PDE7B: variants seen among roughly 807,000 people sequenced by gnomAD.
PDE7B encodes 3',5'-cyclic-AMP phosphodiesterase 7B.
In PDE7B, 29 loss-of-function variants were observed where a neutral mutation model predicts 56.2. The observed-to-expected ratio is 0.52, with a 90% CI of 0.38 to 0.70. The LOEUF (loss-of-function observed/expected upper bound fraction) is 0.70. Ranked by LOEUF, PDE7B falls within the 30% of genes least tolerant of loss-of-function variation. The pLI, the probability that PDE7B is intolerant of heterozygous loss-of-function variation, is 0.00. For synonymous variants in PDE7B, 197 were observed against 196.9 expected (o/e 1.00, Z 0.00); for missense variants, 490 against 565.0 (o/e 0.87, Z 1.35).
chr6:136,155,600 C>T, intron 7 of PDE7B, 27 bp from the exon 8 acceptor site: 1 of 1,584,960 alleles, frequency 6.3e-7, no homozygotes. Context: ...ATACACCAAT[C>T]AATCTCCCAA....
chr6:135,949,878 T>A (rs1774667465), intron 2 of PDE7B, among the ~76,000 whole-genome samples: 2 of 152,170 alleles, frequency 1.3e-5, no homozygotes, highest in African/African-American at 4.8e-5. Flanking sequence ...AATATTATGC[T>A]TAGTGAGTTT....
At chr6:136,097,478 C>T (rs532650548) in intron 2 of PDE7B, among the ~76,000 whole-genome samples, 3 of 152,084 alleles carry the variant, frequency 2.0e-5, no homozygotes, top group African/African-American at 7.2e-5. Flanking sequence ...CTTCCCTCTC[C>T]CAGCATCAGC....
chr6:135,939,978 G>A (rs901376600), intron 1 of PDE7B, among the ~76,000 whole-genome samples: 3 of 152,170 alleles, frequency 2.0e-5, no homozygotes, highest in Non-Finnish European at 4.4e-5. Flanking sequence ...CAATGCTAGA[G>A]TAATTCATTA....
chr6:136,084,652 G>A (rs1777259911), intron 2 of PDE7B, among the ~76,000 whole-genome samples: 2 of 152,134 alleles, frequency 1.3e-5, no homozygotes, highest in South Asian at 4.2e-4. Context: ...TAAGTATAGT[G>A]TTCTTATTAT....
At chr6:135,943,176 A>C (rs1393220564) in intron 1 of PDE7B, among the ~76,000 whole-genome samples, 2 of 152,218 alleles carry the variant, frequency 1.3e-5, no homozygotes, top group Non-Finnish European at 2.9e-5. Flanking sequence ...TTGTTTTACA[A>C]TCTTATCGAC....
chr6:136,159,973 C>A (rs1431054579), intron 8 of PDE7B, among the ~76,000 whole-genome samples: 2 of 152,160 alleles, frequency 1.3e-5, no homozygotes, highest in African/African-American at 4.8e-5. Context: ...GTGCTATTAG[C>A]AAACAAAGGG....
intron 2 of PDE7B, among the ~76,000 whole-genome samples, chr6:136,101,774 G>A (rs1777566733): frequency 6.6e-6 from 1 of 152,136 alleles, no homozygotes; most frequent in South Asian, 2.1e-4. Context: ...ACATCTTCCT[G>A]TAGTCTAACC....
intron 2 of PDE7B, among the ~76,000 whole-genome samples, chr6:136,021,182 C>T (rs9494442): frequency 0.13 from 19,623 of 152,188 alleles, 2,720 homozygotes; most frequent in African/African-American, 0.35. Flanking sequence ...AGACTACCTA[C>T]TTGACATCAA....
At chr6:135,972,233 C>CAAAAAAAAAA (rs72005772) in intron 2 of PDE7B, among the ~76,000 whole-genome samples, 1 of 65,168 alleles carries the variant, frequency 1.5e-5, no homozygotes, top group African/African-American at 6.0e-5. Context: ...AAACTGTTCT[C>CAAAAAAAAAA]AAAAAAAAAA....
intron 2 of PDE7B, among the ~76,000 whole-genome samples, chr6:136,097,704 AAGTCTG>A (rs1422274168): frequency 9.2e-5 from 14 of 152,032 alleles, no homozygotes; most frequent in African/African-American, 3.4e-4. Flanking sequence ...TAATCATCCT[AAGTCTG>A]TTAAAGTCAT....
intron 2 of PDE7B, among the ~76,000 whole-genome samples, chr6:135,989,405 G>T (rs545268554): frequency 6.6e-6 from 1 of 152,178 alleles, no homozygotes; most frequent in Non-Finnish European, 1.5e-5. Context: ...CCTGAGGTCG[G>T]TAGTTCGAGA....
At chr6:136,166,097 G>A (rs1308460946) in intron 8 of PDE7B, among the ~76,000 whole-genome samples, 2 of 152,070 alleles carry the variant, frequency 1.3e-5, no homozygotes, top group African/African-American at 4.8e-5. Flanking sequence ...TACTGCTTAG[G>A]TTATTTGATA....
At chr6:136,051,944 C>T (rs1776637378) in intron 2 of PDE7B, among the ~76,000 whole-genome samples, 1 of 151,686 alleles carries the variant, frequency 6.6e-6, no homozygotes, top group Non-Finnish European at 1.5e-5. Context: ...GGAACTTGAC[C>T]ATTATATAAT....
At chr6:135,884,710 GA>G (rs1775670864) in intron 1 of PDE7B, among the ~76,000 whole-genome samples, 1 of 152,112 alleles carries the variant, frequency 6.6e-6, no homozygotes, top group Non-Finnish European at 1.5e-5. Flanking sequence ...TTAGTCAATA[GA>G]TATTTATTGA....
chr6:135,934,911 ATATT>A (rs1196527878), intron 1 of PDE7B, among the ~76,000 whole-genome samples: 10 of 107,648 alleles, frequency 9.3e-5, no homozygotes, highest in East Asian at 7.1e-4. Context: ...ATATATATAA[ATATT>A]TATTTAAATA....
At chr6:136,081,321 A>G (rs532108402) in intron 2 of PDE7B, among the ~76,000 whole-genome samples, 28 of 152,336 alleles carry the variant, frequency 1.8e-4, no homozygotes, top group East Asian at 1.9e-4. Context: ...AAAGGACCCA[A>G]TGAGAGGAAT....
intron 1 of PDE7B, among the ~76,000 whole-genome samples, chr6:135,870,049 G>T (rs1350460806): frequency 6.6e-6 from 1 of 152,176 alleles, no homozygotes; most frequent in African/African-American, 2.4e-5. Flanking sequence ...TGCTTTAAAA[G>T]GAGCACTCTG....
chr6:136,147,467 C>A lies in PDE7B; in HGVS notation c.283C>A (p.His95Asn). Residue 95 changes from histidine (H) to asparagine (N), a missense_variant, in exon 4 of 13, where the codon CAC (histidine) becomes AAC (asparagine). Coordinates refer to ENST00000308191, the MANE Select transcript of PDE7B (RefSeq NM_018945.4). ...LRGIIPQAPL[H>N]LLDEDYLGQA... ...TGGAATTATACCACAAGCCCCTCTG[C>A]ACCTGCTGGATGAAGACTACCTTGG... The A allele has an allele frequency of 6.2e-7, 1 of 1,613,966 alleles. No homozygotes were observed. The highest frequency in any genetic ancestry group is 8.5e-7 in the Non-Finnish European group (1 of 1,179,860).
At position 135,909,381 on chromosome 6, in the gene PDE7B, G is replaced by A. The variant is rs569566832; in HGVS notation, c.22-38083G>A. Among the ~76,000 whole-genome samples, 38 of 152,204 alleles carry A rather than the reference G, an allele frequency of 2.5e-4. No homozygotes were observed. The South Asian group carries it at 7.5e-3, about 30-fold the overall frequency. ...TATAATCCCAGCACTATGGGAGGCCGAGGTGGACGTATCACTTGAGGCCAA... is the reference window on the plus strand; with the variant it reads ...TATAATCCCAGCACTATGGGAGGCCAAGGTGGACGTATCACTTGAGGCCAA... On this transcript the variant is annotated intron_variant, in intron 1 of 12. Coordinates refer to ENST00000308191, the MANE Select transcript of PDE7B (RefSeq NM_018945.4).
Sources: gnomAD v4.1 joint callset for allele counts (sites outside exome capture counted in the v4.1 genomes callset) on GRCh38, gnomAD v4.1.1 for gene constraint, MANE v1.5 for transcripts, NCBI Gene and HGNC (gene_info 2026-07-23, HGNC 2026-07-21) for gene names.